The following ANKRD55 variants were observed in gnomAD, a reference collection of about 807,000 sequenced individuals.
The protein encoded by ANKRD55 is ankyrin repeat domain 55.
A neutral mutation model predicts 60.6 loss-of-function variants in ANKRD55; 41 were observed. The observed-to-expected ratio is 0.68, with a 90% CI of 0.53 to 0.88. The LOEUF is 0.88. Ranked by LOEUF, ANKRD55 falls within the 40% of genes least tolerant of loss-of-function variation. The pLI is 0.00. For synonymous variants in ANKRD55, 264 were observed against 290.3 expected (o/e 0.91, Z 0.92); for missense variants, 732 against 767.6 (o/e 0.95, Z 0.55).
In ANKRD55 at chr5:56,190,118, G is replaced by A. The variant is rs541898312; in HGVS notation, c.59-6484C>T. ...TTTTTCCAAGTGCTTATTGGCTATA[G>A]GCATATCTTTCAAGAAATGTCTATT... On this transcript the variant is annotated intron_variant, in intron 2 of 11. Transcript: ENST00000341048. Among the ~76,000 whole-genome samples the A allele has an allele frequency of 1.2e-4, 18 of 152,240 alleles. No homozygotes were observed. The South Asian group carries it at 3.1e-3, about 26-fold the overall frequency.
chr5:56,143,995 C>A (rs902214918), intron 6 of ANKRD55, 66 bp from the exon 7 acceptor site: 179 of 1,605,428 alleles, frequency 1.1e-4, no homozygotes, highest in Middle Eastern at 2.2e-4. Context: ...CTGGAGCTCA[C>A]ACTTTCTCCT....
intron 7 of ANKRD55, among the ~76,000 whole-genome samples, chr5:56,135,368 C>CTTCT (rs1166549081): frequency 8.9e-4 from 44 of 49,186 alleles, no homozygotes; most frequent in African/African-American, 2.7e-3. Flanking sequence ...TCTTTCTTTC[C>CTTCT]TTCTTTCTTT....
At chr5:56,218,671 CT>C (rs1759881246) in intron 2 of ANKRD55, among the ~76,000 whole-genome samples, 1 of 152,170 alleles carries the variant, frequency 6.6e-6, no homozygotes, top group South Asian at 2.1e-4. Context: ...GCAATATTCA[CT>C]TTGTTGCAGT....
At chr5:56,193,169 A>G in intron 2 of ANKRD55, 1 of 694,208 alleles carries the variant, frequency 1.4e-6, no homozygotes, top group South Asian at 1.6e-5. Context: ...GGGCTGTATG[A>G]GTGGAGGAGC....
chr5:56,169,854 G>A (rs1283906681), intron 5 of ANKRD55, among the ~76,000 whole-genome samples: 1 of 152,168 alleles, frequency 6.6e-6, no homozygotes, highest in African/African-American at 2.4e-5. Context: ...CTGCACAGCA[G>A]AAAGGGTCCA....
At chr5:56,140,481 A>G (rs1757731994) in intron 7 of ANKRD55, among the ~76,000 whole-genome samples, 1 of 152,208 alleles carries the variant, frequency 6.6e-6, no homozygotes. Flanking sequence ...ACATGCTCAC[A>G]CACCATATAT....
At chr5:56,138,885 C>T (rs577860128) in intron 7 of ANKRD55, among the ~76,000 whole-genome samples, 6 of 152,164 alleles carry the variant, frequency 3.9e-5, no homozygotes, top group Non-Finnish European at 5.9e-5. Context: ...GAAGGTATTC[C>T]GCATGATACT....
Position 56,111,512 on chromosome 5 carries a change from G to A in ANKRD55, c.1236C>T (p.Asp412=). Residue 412 remains aspartate, a synonymous_variant, in exon 10 of 12, where the codon GAC becomes GAT. Transcript: ENST00000341048. ...TTTCTGGTAAGAGATATTTTGAATT[G>A]TCTGAGGTTTTCTTCTTAAATTCAA... ...AMVEFKKKTS[D]NSKYLLPEKK... is the part of the protein sequence containing the mutation. 1.2e-6 allele frequency: 2 copies of A among 1,614,072 alleles called. No homozygotes were observed. The highest frequency in any genetic ancestry group is 8.5e-7 in the Non-Finnish European group (1 of 1,179,970).
intron 8 of ANKRD55, among the ~76,000 whole-genome samples, chr5:56,121,442 G>A (rs771050406): frequency 8.9e-5 from 13 of 146,298 alleles, no homozygotes; most frequent in South Asian, 2.1e-4. Context: ...GCACAATCTC[G>A]GCTCACTGCA....
chr5:56,134,983 G>T (rs141286878), intron 7 of ANKRD55, among the ~76,000 whole-genome samples: 182 of 152,232 alleles, frequency 1.2e-3, no homozygotes, highest in Admixed American at 2.2e-3. Context: ...ACATCAGCAG[G>T]CTAAAGAAGA....
chr5:56,142,048 G>A (rs74288193), intron 7 of ANKRD55, among the ~76,000 whole-genome samples: 2,452 of 152,270 alleles, frequency 0.016, 57 homozygotes, highest in East Asian at 0.081. Context: ...AGGGATTCCC[G>A]GCTGGGTGCA....
intron 2 of ANKRD55, among the ~76,000 whole-genome samples, chr5:56,198,744 T>G (rs1333994046): frequency 6.6e-6 from 1 of 151,620 alleles, no homozygotes; most frequent in African/African-American, 2.4e-5. Flanking sequence ...CTGTGATAGA[T>G]CCTATGCTAA....
intron 8 of ANKRD55, among the ~76,000 whole-genome samples, chr5:56,124,456 T>G (rs1757174694): frequency 6.6e-6 from 1 of 152,168 alleles, no homozygotes; most frequent in South Asian, 2.1e-4. Context: ...TGTAAATACT[T>G]AAAGCACATA....
At chr5:56,187,662 C>T (rs532322651) in intron 2 of ANKRD55, among the ~76,000 whole-genome samples, 3 of 152,376 alleles carry the variant, frequency 2.0e-5, no homozygotes, top group South Asian at 4.1e-4. Flanking sequence ...CCCAATCGGG[C>T]TAAAGGCTTG....
At chr5:56,227,676 A>G (rs373142766) in intron 2 of ANKRD55, among the ~76,000 whole-genome samples, 1 of 152,248 alleles carries the variant, frequency 6.6e-6, no homozygotes, top group South Asian at 2.1e-4. Context: ...TGCAGTAGAA[A>G]GAACACCGGT....
In ANKRD55 at chr5:56,166,199, T is replaced by TTCCTTCCTTC. The variant is rs769664867; in HGVS notation, c.422+4494_422+4495insGAAGGAAGGA. ...CTTCCTTCCTTCCTTCCTTCCTTCC[T>TTCCTTCCTTC]TCTCTCTCTCTCTCTCTCTTTCTTT... On this transcript the variant is annotated intron_variant, in intron 5 of 11. Coordinates refer to ENST00000341048, the MANE Select transcript of ANKRD55 (RefSeq NM_024669.3). Among the ~76,000 whole-genome samples the TTCCTTCCTTC allele has an allele frequency of 4.3e-3, 414 of 96,102 alleles. 29 individuals are homozygous for TTCCTTCCTTC. The highest frequency in any genetic ancestry group is 0.012 in the African/African-American group (205 of 17,188). 63.0% of individuals were successfully genotyped at this position (96,102 alleles called of 152,430 possible). A position where few individuals can be genotyped will look rare whatever the true frequency, so the allele number is the denominator to read the frequency against.
At chr5:56,209,673 G>A (rs1401001152) in intron 2 of ANKRD55, among the ~76,000 whole-genome samples, 1 of 151,806 alleles carries the variant, frequency 6.6e-6, no homozygotes, top group Non-Finnish European at 1.5e-5. Flanking sequence ...CACTGTGTTA[G>A]CCAGGATGGT....
intron 4 of ANKRD55, among the ~76,000 whole-genome samples, chr5:56,172,962 C>A (rs1758643245): frequency 6.6e-6 from 1 of 152,188 alleles, no homozygotes; most frequent in Non-Finnish European, 1.5e-5. Flanking sequence ...CCTGTAGTAA[C>A]TAGTTTTATC....
At chr5:56,144,031 C>A in intron 6 of ANKRD55, 102 bp from the exon 7 acceptor site, 2 of 1,476,648 alleles carry the variant, frequency 1.4e-6, no homozygotes, top group South Asian at 2.4e-5. Context: ...TCACCAGATG[C>A]GTTGGTTGTT....
Sources: gnomAD v4.1 joint callset for allele counts (sites outside exome capture counted in the v4.1 genomes callset) on GRCh38, gnomAD v4.1.1 for gene constraint, MANE v1.5 for transcripts, NCBI Gene and HGNC (gene_info 2026-07-23, HGNC 2026-07-21) for gene names.